Variants in CACNA1D observed in about 807,000 individuals in gnomAD.
CACNA1D encodes the protein calcium voltage-gated channel subunit alpha1 D.
Under a neutral mutation model 257.1 loss-of-function variants are expected in CACNA1D, and 55 were observed. The observed-to-expected ratio is 0.21, with a 90% CI of 0.17 to 0.27. The LOEUF is 0.27. Ranked by LOEUF, CACNA1D falls within the 10% of genes least tolerant of loss-of-function variation. The pLI is 1.00. For missense variants in CACNA1D, 1,876 were observed against 2,784.0 expected, an observed-to-expected ratio of 0.67 and a Z score of 7.34; for synonymous variants, 980 against 1,014.9, an observed-to-expected ratio of 0.97 and a Z score of 0.65.
rs116273663 is a variant in CACNA1D, at chr3:53,574,195, C to T, written c.483+72475C>T. The stretch of plus-strand genomic sequence containing the variant: ...TGACGAGGGTGCTGCCCTGTCTCCC[C>T]TTCCTTCTGCCGTGCACACACCTGC... On this transcript the variant is annotated intron_variant, in intron 3 of 47. Transcript: ENST00000350061. 4.3e-3 allele frequency among the ~76,000 whole-genome samples: 661 copies of T among 152,316 alleles called. 7 individuals are homozygous for T. The highest frequency in any genetic ancestry group is 0.015 in the African/African-American group (636 of 41,572).
intron 3 of CACNA1D, among the ~76,000 whole-genome samples, chr3:53,548,638 C>G (rs2092465780): frequency 6.6e-6 from 1 of 152,082 alleles, no homozygotes; most frequent in South Asian, 2.1e-4. Flanking sequence ...CAAACCCTGA[C>G]CCCTCAGACT....
At position 53,501,771 on chromosome 3, in the gene CACNA1D, T is replaced by C. The variant is rs781697668; in HGVS notation, c.483+51T>C. 4.8e-6 allele frequency: 5 copies of C among 1,040,802 alleles called. No homozygotes were observed. The East Asian group carries it at 1.2e-4, about 25-fold the overall frequency. The allele number at this position is 1,040,802 out of a possible 1,614,324, so 64.5% of individuals were successfully genotyped here. A position where few individuals can be genotyped will look rare whatever the true frequency, so the allele number is the denominator to read the frequency against. On this transcript the variant is annotated intron_variant, in intron 3 of 47. Transcript: ENST00000350061. ...GTCCTGGTATATGGTTATCATTTGC[T>C]TCTATACTTAAACTGGCAGCTGGCC... is the stretch of plus-strand genomic sequence containing the variant.
At chr3:53,606,497 T>C (rs887025976) in intron 3 of CACNA1D, among the ~76,000 whole-genome samples, 4 of 152,290 alleles carry the variant, frequency 2.6e-5, no homozygotes, top group Admixed American at 2.0e-4. Flanking sequence ...GCCTTGACCA[T>C]GGAAGAAAAA....
intron 3 of CACNA1D, among the ~76,000 whole-genome samples, chr3:53,514,911 T>TAAGA (rs977505601): frequency 4.6e-5 from 7 of 152,202 alleles, no homozygotes; most frequent in African/African-American, 1.7e-4. Flanking sequence ...CCGAATAGCC[T>TAAGA]AAGACTTTAG....
rs1177208106 is a variant in CACNA1D at position 53,810,064 on chromosome 3, A to G, written c.5958A>G (p.Ala1986=). 2 of 1,613,820 alleles carry G rather than the reference A, an allele frequency of 1.2e-6. No individual in the cohort carries two copies. Among genetic ancestry groups the G allele is most frequent in the East Asian group, 2.2e-5 (1 of 44,882 alleles). ...CCCGGTCGTGGGCCACCCCTCCAGC[A>G]ACCCCTCCCTACCGGGACTGGACAC... ...HSTRSWATPP[A]TPPYRDWTPC... is the part of the protein sequence containing the mutation. The change falls in exon 47 of 48, where the codon GCA becomes GCG. Residue 1986 remains alanine, a synonymous_variant. Coordinates refer to ENST00000350061, the MANE Select transcript of CACNA1D (RefSeq NM_001128840.3).
chr3:53,562,111 G>A (rs948065033), intron 3 of CACNA1D, among the ~76,000 whole-genome samples: 1 of 152,182 alleles, frequency 6.6e-6, no homozygotes, highest in East Asian at 1.9e-4. Context: ...GGAACTTAGA[G>A]TTTGATAGGC....
At chr3:53,649,637 C>T (rs982362337) in intron 3 of CACNA1D, among the ~76,000 whole-genome samples, 1 of 152,092 alleles carries the variant, frequency 6.6e-6, no homozygotes, top group Non-Finnish European at 1.5e-5. Flanking sequence ...GTTTCCTGAG[C>T]CTATTTTATT....
chr3:53,773,520 C>T (rs939250660), intron 33 of CACNA1D: 1 of 154,232 alleles, frequency 6.5e-6, no homozygotes, highest in African/African-American at 2.4e-5. Context: ...TCGAAGAGCC[C>T]AGGTGGCTGT....
chr3:53,766,987 G>A (rs1248617866), intron 30 of CACNA1D, among the ~76,000 whole-genome samples: 2 of 152,136 alleles, frequency 1.3e-5, no homozygotes, highest in Admixed American at 6.5e-5. Flanking sequence ...TTCCCTTCAT[G>A]TTGAAACCTC....
chr3:53,767,014 G>A (rs2095336146), intron 30 of CACNA1D, among the ~76,000 whole-genome samples: 1 of 152,140 alleles, frequency 6.6e-6, no homozygotes, highest in Admixed American at 6.5e-5. Flanking sequence ...CCCTTGTAGG[G>A]GAGATGGGGA....
chr3:53,685,466 C>T (rs2094466125), intron 8 of CACNA1D, among the ~76,000 whole-genome samples: 1 of 152,142 alleles, frequency 6.6e-6, no homozygotes, highest in Non-Finnish European at 1.5e-5. Flanking sequence ...TTAATAAATT[C>T]AGCCAACTTG....
intron 3 of CACNA1D, among the ~76,000 whole-genome samples, chr3:53,551,289 T>C (rs1251629748): frequency 6.6e-6 from 1 of 152,170 alleles, no homozygotes; most frequent in Non-Finnish European, 1.5e-5. Context: ...CAAGGGCTGA[T>C]TGGTTATGGG....
At chr3:53,608,745 CTTT>C (rs1055676332) in intron 3 of CACNA1D, among the ~76,000 whole-genome samples, 9 of 152,202 alleles carry the variant, frequency 5.9e-5, no homozygotes, top group Admixed American at 3.3e-4. Flanking sequence ...ATATGGTTTT[CTTT>C]TTTATTCCAC....
intron 3 of CACNA1D, among the ~76,000 whole-genome samples, chr3:53,628,019 CAAAA>C (rs915786225): frequency 3.3e-5 from 5 of 151,206 alleles, no homozygotes; most frequent in African/African-American, 1.2e-4. Flanking sequence ...GACTCCATCT[CAAAA>C]AAAATAAATA....
intron 3 of CACNA1D, among the ~76,000 whole-genome samples, chr3:53,603,901 ATGGACTGG>A (rs749787138): frequency 8.5e-5 from 13 of 152,348 alleles, no homozygotes; most frequent in Middle Eastern, 3.4e-3. Context: ...CAGCTGATGT[ATGGACTGG>A]TGTTTGGTAA....
At chr3:53,547,491 G>A (rs958431670) in intron 3 of CACNA1D, among the ~76,000 whole-genome samples, 21 of 152,200 alleles carry the variant, frequency 1.4e-4, no homozygotes, top group African/African-American at 4.8e-4. Context: ...CTTGGGCTTT[G>A]TCTTACTTTC....
intron 3 of CACNA1D, among the ~76,000 whole-genome samples, chr3:53,531,520 T>A (rs116795897): frequency 4.5e-4 from 69 of 152,254 alleles, no homozygotes; most frequent in African/African-American, 1.7e-3. Flanking sequence ...AGCAGATAAT[T>A]TAGGCTAAAA....
intron 3 of CACNA1D, among the ~76,000 whole-genome samples, chr3:53,620,590 C>G (rs965772695): frequency 4.6e-5 from 7 of 152,238 alleles, no homozygotes; most frequent in Non-Finnish European, 1.0e-4. Flanking sequence ...GATTCCCCAC[C>G]TGGTCCCTCT....
rs113734297 is a variant in CACNA1D at position 53,658,192 on chromosome 3, C to CTT, written c.624-1929_624-1928dup. ...TCCTTATCTCTTCAGGCCCGTGGCACTTTTTTTTTTTTTGAGAGGCGTGGT... is the reference window on the plus strand; with the variant it reads ...TCCTTATCTCTTCAGGCCCGTGGCACTTTTTTTTTTTTTTTGAGAGGCGTGGT... On this transcript the variant is annotated intron_variant, in intron 4 of 47. Coordinates refer to ENST00000350061, the MANE Select transcript of CACNA1D (RefSeq NM_001128840.3). Among the ~76,000 whole-genome samples the CTT allele has an allele frequency of 1.8e-3, 266 of 145,654 alleles. 1 individual carries two copies. Among genetic ancestry groups the CTT allele is most frequent in the African/African-American group, 5.3e-3 (213 of 39,840 alleles).
Sources: gnomAD v4.1 joint callset for allele counts (sites outside exome capture counted in the v4.1 genomes callset) on GRCh38, gnomAD v4.1.1 for gene constraint, MANE v1.5 for transcripts, NCBI Gene and HGNC (gene_info 2026-07-23, HGNC 2026-07-21) for gene names.